Variants in SEMA3E observed in about 807,000 individuals in gnomAD.
SEMA3E encodes semaphorin 3E, also known as semaphorin-3E.
SEMA3E carries 49 observed loss-of-function variants against 93.6 expected under a neutral mutation model. The observed-to-expected ratio is 0.52, with a 90% CI of 0.42 to 0.66. The LOEUF is 0.66. SEMA3E is among the 30% of genes least tolerant of loss of function. The pLI, the probability that SEMA3E is intolerant of heterozygous loss-of-function variation, is 0.00. For missense variants in SEMA3E, 906 were observed against 964.8 expected, an observed-to-expected ratio of 0.94 and a Z score of 0.81; for synonymous variants, 363 against 330.7, an observed-to-expected ratio of 1.10 and a Z score of -1.06.
At chr7:83,522,952 G>A (rs943724101) in intron 1 of SEMA3E, among the ~76,000 whole-genome samples, 3 of 152,046 alleles carry the variant, frequency 2.0e-5, no homozygotes, top group Non-Finnish European at 4.4e-5. Context: ...CAGGATTGGT[G>A]AGAATACGTT....
rs533972910 is a variant in SEMA3E, at chr7:83,429,675, C to T, written c.457-11192G>A. Among the ~76,000 whole-genome samples the T allele has an allele frequency of 3.9e-5, 6 of 152,222 alleles. No individual in the cohort carries two copies. The East Asian group carries it at 1.2e-3, about 29-fold the overall frequency. ...GCAGCTCAGGCCCTTCACTGTTTGC[C>T]CTCAGGCTTTGTCCCTCATAGTTTC... On this transcript the variant is annotated intron_variant, in intron 4 of 16. Transcript: ENST00000643230.
intron 1 of SEMA3E, among the ~76,000 whole-genome samples, chr7:83,492,446 C>A (rs1790405960): frequency 1.3e-5 from 2 of 151,914 alleles, no homozygotes; most frequent in Admixed American, 1.3e-4. Context: ...TATTACAGTT[C>A]TAATAGTCTA....
chr7:83,544,361 C>T (rs961220398), intron 1 of SEMA3E, among the ~76,000 whole-genome samples: 3 of 151,998 alleles, frequency 2.0e-5, no homozygotes, highest in Admixed American at 6.6e-5. Context: ...TTCATTCGAG[C>T]AGCTATGCCT....
chr7:83,541,630 T>A (rs1791533397), intron 1 of SEMA3E, among the ~76,000 whole-genome samples: 1 of 152,126 alleles, frequency 6.6e-6, no homozygotes, highest in Admixed American at 6.6e-5. Flanking sequence ...GGTGTCATTT[T>A]GGCTTAACTT....
chr7:83,570,325 G>A (rs1405074718), intron 1 of SEMA3E, among the ~76,000 whole-genome samples: 14 of 151,480 alleles, frequency 9.2e-5, no homozygotes, highest in South Asian at 4.2e-4. Flanking sequence ...AGGCCGAGGC[G>A]GGCGGATCAC....
chr7:83,553,215 A>T (rs1443668042), intron 1 of SEMA3E, among the ~76,000 whole-genome samples: 1 of 152,190 alleles, frequency 6.6e-6, no homozygotes, highest in East Asian at 1.9e-4. Context: ...CTTATGGAAA[A>T]TAGAAAGAAC....
rs551901829 is a variant in SEMA3E, at chr7:83,582,329, A to G, written c.115+66099T>C. ...AGCAGAAAATTAAAATTTAATTTTT[A>G]TTTTTAAAATAACATTTAGATTAAA... On this transcript the variant is annotated intron_variant, in intron 1 of 16. Coordinates refer to ENST00000643230, the MANE Select transcript of SEMA3E (RefSeq NM_012431.3). 2.6e-5 allele frequency among the ~76,000 whole-genome samples: 4 copies of G among 151,752 alleles called. No individual in the cohort carries two copies. The South Asian group carries it at 8.3e-4, about 31-fold the overall frequency.
At position 83,565,039 on chromosome 7, in the gene SEMA3E, A is replaced by G. The variant is rs192925225; in HGVS notation, c.116-74765T>C. ...ATCACCACTGATCCCACAGAAATAC[A>G]AACTACCATCAGAGAATACTATAAA... On this transcript the variant is annotated intron_variant, in intron 1 of 16. Transcript: ENST00000643230. 7.5e-3 allele frequency among the ~76,000 whole-genome samples: 1,148 copies of G among 152,328 alleles called. 10 individuals are homozygous for G. The highest frequency in any genetic ancestry group is 0.027 in the African/African-American group (1,105 of 41,580).
intron 2 of SEMA3E, among the ~76,000 whole-genome samples, chr7:83,481,660 G>A (rs1231967408): frequency 6.6e-6 from 1 of 152,136 alleles, no homozygotes; most frequent in Non-Finnish European, 1.5e-5. Flanking sequence ...TTTAATGAAT[G>A]TTATATACGT....
At chr7:83,378,533 G>A (rs904595837) in intron 16 of SEMA3E, among the ~76,000 whole-genome samples, 75 of 151,880 alleles carry the variant, frequency 4.9e-4, no homozygotes, top group African/African-American at 1.7e-3. Flanking sequence ...CACTAAACTA[G>A]CAGTTTCTGG....
rs190637486 is a variant in SEMA3E, at chr7:83,420,143, T to A, written c.457-1660A>T. ...AATCAGCAAAATTTCTATACACATATAGCATTCAAGCTGAGAGCCAAATTA... is the reference window on the plus strand; with the variant it reads ...AATCAGCAAAATTTCTATACACATAAAGCATTCAAGCTGAGAGCCAAATTA... On this transcript the variant is annotated intron_variant, in intron 4 of 16. Transcript: ENST00000643230. Among the ~76,000 whole-genome samples, 420 of 152,296 alleles carry A rather than the reference T, an allele frequency of 2.8e-3. 2 individuals are homozygous for A. Among genetic ancestry groups the A allele is most frequent in the Middle Eastern group, 6.8e-3 (2 of 294 alleles).
chr7:83,522,762 G>T (rs1791075538), intron 1 of SEMA3E, among the ~76,000 whole-genome samples: 1 of 152,058 alleles, frequency 6.6e-6, no homozygotes, highest in African/African-American at 2.4e-5. Context: ...TATCTTTCTA[G>T]CTGTCTTTCT....
At chr7:83,590,632 G>C (rs1792738674) in intron 1 of SEMA3E, among the ~76,000 whole-genome samples, 1 of 152,130 alleles carries the variant, frequency 6.6e-6, no homozygotes, top group African/African-American at 2.4e-5. Flanking sequence ...ATAAGGGGAA[G>C]GGATTTTCTT....
intron 1 of SEMA3E, among the ~76,000 whole-genome samples, chr7:83,495,249 T>G (rs2191531): frequency 0.095 from 14,480 of 151,882 alleles, 894 homozygotes; most frequent in South Asian, 0.22. Flanking sequence ...ATCTGCCAAA[T>G]ATGAAAATTT....
At chr7:83,629,571 C>G (rs529640519) in intron 1 of SEMA3E, among the ~76,000 whole-genome samples, 1 of 152,142 alleles carries the variant, frequency 6.6e-6, no homozygotes, top group Non-Finnish European at 1.5e-5. Context: ...CTGAATTTCC[C>G]GGTGGCTGTG....
At chr7:83,441,800 C>T (rs1789119857) in intron 4 of SEMA3E, among the ~76,000 whole-genome samples, 1 of 152,144 alleles carries the variant, frequency 6.6e-6, no homozygotes, top group Admixed American at 6.6e-5. Flanking sequence ...CAATTAATAT[C>T]ACCACTGTCA....
chr7:83,588,353 C>CAAGA (rs1792675816), intron 1 of SEMA3E, among the ~76,000 whole-genome samples: 2 of 151,926 alleles, frequency 1.3e-5, no homozygotes. Context: ...TGCACTCCAG[C>CAAGA]CTGGTGGCAG....
At chr7:83,441,804 A>ACTGT (rs1789120014) in intron 4 of SEMA3E, among the ~76,000 whole-genome samples, 1 of 152,156 alleles carries the variant, frequency 6.6e-6, no homozygotes, top group Non-Finnish European at 1.5e-5. Flanking sequence ...TAATATCACC[A>ACTGT]CTGTCATCAG....
intron 1 of SEMA3E, among the ~76,000 whole-genome samples, chr7:83,500,606 T>TTTTTTG (rs1402441911): frequency 6.8e-6 from 1 of 148,038 alleles, no homozygotes; most frequent in Non-Finnish European, 1.5e-5. Context: ...TTTTTTTTTT[T>TTTTTTG]TTTGAGATAA....
Sources: gnomAD v4.1 joint callset for allele counts (sites outside exome capture counted in the v4.1 genomes callset) on GRCh38, gnomAD v4.1.1 for gene constraint, MANE v1.5 for transcripts, NCBI Gene and HGNC (gene_info 2026-07-23, HGNC 2026-07-21) for gene names.